The following CELF2 variants were observed in gnomAD, a reference collection of about 807,000 sequenced individuals.
The protein encoded by CELF2 is CUG triplet repeat RNA-binding protein 2.
Under a neutral mutation model 62.6 loss-of-function variants are expected in CELF2, and 8 were observed. The observed-to-expected ratio is 0.13, with a 90% CI of 0.07 to 0.23. The LOEUF is 0.23. Ranked by LOEUF, CELF2 falls within the 10% of genes least tolerant of loss-of-function variation. The pLI, the probability that CELF2 is intolerant of heterozygous loss-of-function variation, is 1.00. For synonymous variants in CELF2, 258 were observed against 250.0 expected, an observed-to-expected ratio of 1.03 and a Z score of -0.30; for missense variants, 333 against 671.0, an observed-to-expected ratio of 0.50 and a Z score of 5.56.
chr10:10,705,494 G>C, the CELF2 span, among the ~76,000 whole-genome samples: 1 of 152,152 alleles, frequency 6.6e-6, no homozygotes, highest in East Asian at 1.9e-4. Flanking sequence ...TACAGGGAGA[G>C]AGAGGGAGTG....
chr10:10,963,184 G>C (rs1300915227), intron 2 of CELF2, among the ~76,000 whole-genome samples: 1 of 152,054 alleles, frequency 6.6e-6, no homozygotes, highest in Non-Finnish European at 1.5e-5. Flanking sequence ...CTCCCGAGTA[G>C]CTGGGATTAC....
At chr10:10,786,490 A>G in the CELF2 span, among the ~76,000 whole-genome samples, 1 of 152,308 alleles carries the variant, frequency 6.6e-6, no homozygotes, top group East Asian at 1.9e-4. Context: ...AAAAAAAAAA[A>G]AAATTCCTAG....
At chr10:11,132,760 A>C (rs1318269161) in intron 1 of CELF2, among the ~76,000 whole-genome samples, 2 of 152,244 alleles carry the variant, frequency 1.3e-5, no homozygotes, top group African/African-American at 4.8e-5. Context: ...TCACACGTCC[A>C]AAGGGTATCA....
chr10:10,844,224 TG>T (rs766879114), intron 1 of CELF2, among the ~76,000 whole-genome samples: 75 of 152,122 alleles, frequency 4.9e-4, no homozygotes, highest in Non-Finnish European at 9.0e-4. Context: ...GGGAACCTAT[TG>T]GGTCAAATTT....
At chr10:10,717,847 T>C in the CELF2 span, among the ~76,000 whole-genome samples, 1 of 152,208 alleles carries the variant, frequency 6.6e-6, no homozygotes, top group Non-Finnish European at 1.5e-5. Flanking sequence ...AGGCTTCTGT[T>C]AGTGTCTCTG....
At chr10:11,215,919 A>G (rs531592736) in intron 2 of CELF2, among the ~76,000 whole-genome samples, 144 of 152,314 alleles carry the variant, frequency 9.5e-4, no homozygotes, top group African/African-American at 3.2e-3. Flanking sequence ...TCACCAGTGA[A>G]GTTGATCGGT....
At chr10:11,049,557 G>GT (rs2063515152) in intron 1 of CELF2, among the ~76,000 whole-genome samples, 1 of 24,572 alleles carries the variant, frequency 4.1e-5, no homozygotes, top group Non-Finnish European at 8.2e-5. Flanking sequence ...CCTTTCTTTA[G>GT]TAAAAAAAAA....
chr10:11,052,179 G>T (rs1227205038), intron 1 of CELF2, among the ~76,000 whole-genome samples: 1 of 152,086 alleles, frequency 6.6e-6, no homozygotes, highest in African/African-American at 2.4e-5. Flanking sequence ...CAAGCAATCT[G>T]CTCATCTCGG....
chr10:11,172,081 AAC>A (rs2069074135), intron 2 of CELF2, among the ~76,000 whole-genome samples: 2 of 152,354 alleles, frequency 1.3e-5, no homozygotes, highest in South Asian at 4.1e-4. Context: ...ACTACATTTT[AAC>A]GCATGCAAGT....
the CELF2 span, among the ~76,000 whole-genome samples, chr10:10,745,353 A>G: frequency 6.6e-6 from 1 of 151,998 alleles, no homozygotes; most frequent in Non-Finnish European, 1.5e-5. Context: ...ATCTCCTTTC[A>G]TAGTTTTCAA....
chr10:10,935,339 G>C (rs1290769576), intron 2 of CELF2: 1 of 152,182 alleles, frequency 6.6e-6, no homozygotes, highest in African/African-American at 2.4e-5. Context: ...GGAAACCCAA[G>C]ATTCACGAGA....
chr10:10,688,725 T>C, the CELF2 span, among the ~76,000 whole-genome samples: 1 of 152,214 alleles, frequency 6.6e-6, no homozygotes, highest in Non-Finnish European at 1.5e-5. Flanking sequence ...AGTTTTTTTT[T>C]GGCTGGGCTC....
At chr10:10,953,838 A>G (rs1367212304) in intron 2 of CELF2, among the ~76,000 whole-genome samples, 2 of 152,050 alleles carry the variant, frequency 1.3e-5, no homozygotes, top group African/African-American at 4.8e-5. Flanking sequence ...AAAATGACAA[A>G]CCAGAAAAAA....
chr10:11,328,112 C>T lies in CELF2; in HGVS notation c.1439-814C>T, dbSNP rs998534532. On this transcript the variant is annotated intron_variant, in intron 12 of 12. Transcript: ENST00000633077. This position sits in a 1 kb window ranked among gnomAD's most constrained non-coding sequence, Gnocchi z 6.4. ...CTTCCCTGCTGTTTATGGTGGAGGT[C>T]GTTGCTACAGAGTAAGAGATGGGGA... is the stretch of plus-strand genomic sequence containing the variant. Among the ~76,000 whole-genome samples, 1 of 152,120 alleles carries T rather than the reference C, an allele frequency of 6.6e-6. No individual in the cohort carries two copies. The highest frequency in any genetic ancestry group is 6.6e-5 in the Admixed American group (1 of 15,266).
the CELF2 span, among the ~76,000 whole-genome samples, chr10:10,563,803 C>T: frequency 0.034 from 5,120 of 152,032 alleles, 168 homozygotes; most frequent in East Asian, 0.1. Flanking sequence ...AAGAACAAAA[C>T]GGGGCCTCAC....
At chr10:11,292,092 T>C (rs1005267544) in intron 9 of CELF2, among the ~76,000 whole-genome samples, 1 of 152,180 alleles carries the variant, frequency 6.6e-6, no homozygotes, top group Non-Finnish European at 1.5e-5. Flanking sequence ...CATTCTAAAA[T>C]GCTAGGAAGC....
At chr10:11,325,614 G>C (rs1306843099) in intron 11 of CELF2, among the ~76,000 whole-genome samples, 1 of 152,236 alleles carries the variant, frequency 6.6e-6, no homozygotes, top group East Asian at 1.9e-4. Context: ...ACAGAAGACT[G>C]TCAGTGGAAA....
chr10:10,979,586 G>C (rs933683634), intron 2 of CELF2, among the ~76,000 whole-genome samples: 7 of 146,450 alleles, frequency 4.8e-5, no homozygotes, highest in African/African-American at 1.8e-4. Context: ...TGGGAGGATA[G>C]TTTGAGCCTG....
chr10:10,920,065 C>T, intron 2 of CELF2: 1 of 1,095,390 alleles, frequency 9.1e-7, no homozygotes, highest in Non-Finnish European at 1.2e-6. Context: ...AGTACTGTGC[C>T]ATGTCTTCTG....
Sources: allele counts gnomAD v4.1 joint callset (sites outside exome capture counted in the v4.1 genomes callset), GRCh38; gene constraint gnomAD v4.1.1; non-coding constraint Gnocchi (gnomAD v3.1); transcripts MANE v1.5; gene names NCBI Gene and HGNC (gene_info 2026-07-23, HGNC 2026-07-21).